The following RGL1 variants were observed in gnomAD, a reference collection of about 807,000 sequenced individuals.
The protein encoded by RGL1 is ral guanine nucleotide dissociation stimulator-like 1.
A neutral mutation model predicts 95.2 loss-of-function variants in RGL1; 24 were observed. That is an observed-to-expected ratio of 0.25 (90% confidence interval 0.18 to 0.35). The LOEUF is 0.35. Ranked by LOEUF, RGL1 falls within the 10% of genes least tolerant of loss-of-function variation. The probability of loss-of-function intolerance (pLI) is 1.00; values close to 1 mark genes in which losing one functional copy is unlikely to be tolerated. For missense variants in RGL1, 715 were observed against 936.3 expected, an observed-to-expected ratio of 0.76 and a Z score of 3.08; for synonymous variants, 329 against 344.9, an observed-to-expected ratio of 0.95 and a Z score of 0.51.
intron 1 of RGL1, among the ~76,000 whole-genome samples, chr1:183,718,930 C>CA (rs1430445590): frequency 6.6e-6 from 1 of 151,718 alleles, no homozygotes; most frequent in Non-Finnish European, 1.5e-5. Context: ...CAAAACAAAA[C>CA]AAAAAAACGA....
intron 1 of RGL1, among the ~76,000 whole-genome samples, chr1:183,712,914 A>T (rs915957374): frequency 6.6e-6 from 1 of 152,240 alleles, no homozygotes; most frequent in African/African-American, 2.4e-5. Context: ...TGAGCAAATC[A>T]ACTGTGAGGA....
At chr1:183,746,677 G>A (rs1657656847) in intron 2 of RGL1, among the ~76,000 whole-genome samples, 1 of 148,836 alleles carries the variant, frequency 6.7e-6, no homozygotes, top group Non-Finnish European at 1.5e-5. Flanking sequence ...TTTAAGTTCT[G>A]GGATACATGT....
At chr1:183,836,770 G>A (rs1243708348) in intron 2 of RGL1, among the ~76,000 whole-genome samples, 1 of 152,126 alleles carries the variant, frequency 6.6e-6, no homozygotes, top group African/African-American at 2.4e-5. Flanking sequence ...CAGAGACACT[G>A]CAGCCCAGAG....
chr1:183,860,428 C>T (rs1033869279), intron 3 of RGL1, among the ~76,000 whole-genome samples: 3 of 152,180 alleles, frequency 2.0e-5, no homozygotes, highest in Non-Finnish European at 4.4e-5. Flanking sequence ...CAGCATCTGT[C>T]CTTGTCATCT....
At chr1:183,702,680 A>G (rs1654670875) in intron 1 of RGL1, among the ~76,000 whole-genome samples, 1 of 152,154 alleles carries the variant, frequency 6.6e-6, no homozygotes. Flanking sequence ...GTTATGACTC[A>G]TGGGGCACAT....
chr1:183,851,181 A>G (rs1664805150), intron 3 of RGL1, among the ~76,000 whole-genome samples: 1 of 152,162 alleles, frequency 6.6e-6, no homozygotes, highest in Non-Finnish European at 1.5e-5. Context: ...GTTAGGATTT[A>G]TTTTTTTACC....
At chr1:183,795,639 G>A (rs1216472636) in intron 2 of RGL1, among the ~76,000 whole-genome samples, 1 of 152,228 alleles carries the variant, frequency 6.6e-6, no homozygotes, top group African/African-American at 2.4e-5. Flanking sequence ...AGGCCCTGTG[G>A]CATATGAAAA....
chr1:183,841,467 T>C (rs1440117850), intron 2 of RGL1, among the ~76,000 whole-genome samples: 1 of 152,240 alleles, frequency 6.6e-6, no homozygotes, highest in Non-Finnish European at 1.5e-5. Flanking sequence ...GTGACAAGTT[T>C]TGGTTTAAGT....
chr1:183,737,034 A>G (rs999041456), intron 1 of RGL1, among the ~76,000 whole-genome samples: 1 of 152,208 alleles, frequency 6.6e-6, no homozygotes, highest in African/African-American at 2.4e-5. Flanking sequence ...GGAAAGTAAA[A>G]TTCAATAAAT....
chr1:183,901,969 G>A (rs1668052799), intron 11 of RGL1, among the ~76,000 whole-genome samples: 1 of 152,172 alleles, frequency 6.6e-6, no homozygotes, highest in Non-Finnish European at 1.5e-5. Context: ...ATTTGCCACA[G>A]TGTTGTGGAC....
chr1:183,842,518 T>C (rs889529071), intron 2 of RGL1, among the ~76,000 whole-genome samples: 17 of 152,188 alleles, frequency 1.1e-4, no homozygotes, highest in African/African-American at 4.1e-4. Context: ...GGTAGGACAC[T>C]TGGGCACAGT....
At chr1:183,834,188 A>C (rs540589930) in intron 2 of RGL1, among the ~76,000 whole-genome samples, 1 of 152,278 alleles carries the variant, frequency 6.6e-6, no homozygotes, top group East Asian at 1.9e-4. Context: ...CAGCAGCCCC[A>C]TAGTAGGAAC....
intron 1 of RGL1, among the ~76,000 whole-genome samples, chr1:183,719,174 C>T (rs1655830112): frequency 6.6e-6 from 1 of 152,142 alleles, no homozygotes; most frequent in Admixed American, 6.5e-5. Flanking sequence ...ACTGGAGTAG[C>T]ACTTAGGGGC....
chr1:183,898,449 G>A (rs1317908979), intron 10 of RGL1, among the ~76,000 whole-genome samples: 1 of 152,200 alleles, frequency 6.6e-6, no homozygotes, highest in Non-Finnish European at 1.5e-5. Context: ...CCTCCCTCCT[G>A]AAGACTGAAA....
chr1:183,686,003 A>T (rs1056082045), intron 1 of RGL1, among the ~76,000 whole-genome samples: 1 of 152,240 alleles, frequency 6.6e-6, no homozygotes, highest in Admixed American at 6.5e-5. Flanking sequence ...AACACATATT[A>T]GTTTAGAGAG....
In RGL1 at chr1:183,886,554, A is replaced by G. The variant is rs193248891; in HGVS notation, c.951+1616A>G. Reference sequence around the variant, plus strand: ...GACTTTTGGTCCAAATTGAATGTAAATTGTGCATTTATGTAGTAATAAGAA... The same window carrying G: ...GACTTTTGGTCCAAATTGAATGTAAGTTGTGCATTTATGTAGTAATAAGAA... On this transcript the variant is annotated intron_variant, in intron 7 of 17. Coordinates refer to ENST00000360851, the MANE Select transcript of RGL1 (RefSeq NM_001297671.3). Among the ~76,000 whole-genome samples, 4 of 152,290 alleles carry G rather than the reference A, an allele frequency of 2.6e-5. No homozygotes were observed. In the East Asian group the frequency reaches 7.7e-4, roughly 29 times the overall value.
intron 2 of RGL1, among the ~76,000 whole-genome samples, chr1:183,766,511 C>T (rs1323017811): frequency 6.6e-6 from 1 of 152,050 alleles, no homozygotes; most frequent in East Asian, 1.9e-4. Flanking sequence ...TCCTCATTTT[C>T]TAAAGGAAAA....
At chr1:183,868,970 T>C (rs1375676927) in intron 4 of RGL1, among the ~76,000 whole-genome samples, 3 of 152,254 alleles carry the variant, frequency 2.0e-5, no homozygotes, top group South Asian at 2.1e-4. Context: ...TTTTAAAAAA[T>C]TGCTGGATGT....
chr1:183,735,827 A>G (rs573220823), intron 1 of RGL1, among the ~76,000 whole-genome samples: 1 of 152,218 alleles, frequency 6.6e-6, no homozygotes, highest in East Asian at 1.9e-4. Context: ...TCATATGGTC[A>G]TCTTTGATTC....
Sources: allele counts gnomAD v4.1 joint callset (sites outside exome capture counted in the v4.1 genomes callset), GRCh38; gene constraint gnomAD v4.1.1; transcripts MANE v1.5; gene names NCBI Gene and HGNC (gene_info 2026-07-23, HGNC 2026-07-21).